The following TOP1MT variants were observed in gnomAD, a reference collection of about 807,000 sequenced individuals.
The protein encoded by TOP1MT is DNA topoisomerase I, mitochondrial.
A neutral mutation model predicts 73.9 loss-of-function variants in TOP1MT; 80 were observed. That is an observed-to-expected ratio of 1.08 (90% CI 0.90 to 1.30). TOP1MT has a LOEUF of 1.30. Among genes scored for constraint, TOP1MT ranks in the 50% most tolerant of loss-of-function variants. The pLI, the probability that TOP1MT is intolerant of heterozygous loss-of-function variation, is 0.00. For missense variants in TOP1MT, 815 were observed against 808.0 expected, an observed-to-expected ratio of 1.01 and a Z score of -0.10; for synonymous variants, 338 against 326.4, an observed-to-expected ratio of 1.04 and a Z score of -0.38.
At chr8:143,331,468 G>A in intron 1 of TOP1MT, 129 bp from the exon 2 acceptor site, 9 of 677,390 alleles carry the variant, frequency 1.3e-5, no homozygotes, top group Non-Finnish European at 2.2e-5. Context: ...TCACGGGGGA[G>A]GAAAACAAGG....
chr8:143,343,440 G>T (rs1488497861), intron 1 of TOP1MT: 2 of 352,606 alleles, frequency 5.7e-6, no homozygotes, highest in African/African-American at 4.3e-5. Flanking sequence ...AAAGCTGCTG[G>T]TGACCCACGT....
intron 1 of TOP1MT, chr8:143,331,940 G>A (rs1203807682): frequency 1.2e-5 from 2 of 162,576 alleles, no homozygotes; most frequent in African/African-American, 4.8e-5. Flanking sequence ...GAAGCCTCAG[G>A]GGTTTTCAGG....
At chr8:143,359,012 TTG>T (rs200068917), upstream of TOP1MT, among the ~76,000 whole-genome samples, 187 of 151,500 alleles carry the variant, frequency 1.2e-3, no homozygotes, top group African/African-American at 4.3e-3. Flanking sequence ...TTTCTGTTTT[TTG>T]GTTTTTTTTT....
intron 13 of TOP1MT, 21 bp downstream of exon 13, chr8:143,310,047 T>C: frequency 6.2e-7 from 1 of 1,609,058 alleles, no homozygotes; most frequent in Non-Finnish European, 8.5e-7. Context: ...AGGTGGGAAC[T>C]GAGACCCCAG....
At chr8:143,332,691 G>T in intron 1 of TOP1MT, 1 of 644,426 alleles carries the variant, frequency 1.6e-6, no homozygotes, top group Non-Finnish European at 2.4e-6. Context: ...GTTAGAAGAC[G>T]TAGAGACGGA....
At chr8:143,332,063 G>T (rs1429920490) in intron 1 of TOP1MT, among the ~76,000 whole-genome samples, 1 of 152,106 alleles carries the variant, frequency 6.6e-6, no homozygotes, top group Non-Finnish European at 1.5e-5. Flanking sequence ...AGATTGGGGG[G>T]GTGTTGGAGG....
At chr8:143,321,548 ACACGCACGC>A (rs1816365037) in intron 7 of TOP1MT, among the ~76,000 whole-genome samples, 162 bp from the exon 8 acceptor site, 1 of 116,892 alleles carries the variant, frequency 8.6e-6, no homozygotes, top group African/African-American at 3.0e-5. Context: ...CGCACGCCAC[ACACGCACGC>A]CACACACACG....
chr8:143,319,513 C>T (rs927014582), intron 8 of TOP1MT, among the ~76,000 whole-genome samples: 1 of 151,020 alleles, frequency 6.6e-6, no homozygotes, highest in East Asian at 2.0e-4. Flanking sequence ...ATCTGTCCAA[C>T]GTCACTGCGA....
In TOP1MT at chr8:143,321,132, G is replaced by A. The variant is rs565823345; in HGVS notation, c.1146+69C>T. 1.9e-3 allele frequency: 2,831 copies of A among 1,466,936 alleles called. 4 individuals are homozygous for A. The highest frequency in any genetic ancestry group is 2.4e-3 in the Non-Finnish European group (2,572 of 1,093,756). The allele number at this position is 1,466,936 out of a possible 1,614,324, so 90.9% of individuals were successfully genotyped here. On this transcript the variant is annotated intron_variant, in intron 8 of 13. Coordinates refer to ENST00000329245, the MANE Select transcript of TOP1MT (RefSeq NM_052963.3). ...GGGCCACAGACCCCACGGCAGCTCC[G>A]GCACGCCCCCAGACATCCAGAGCAA...
upstream of TOP1MT, chr8:143,359,470 C>G (rs953808053): frequency 1.0e-6 from 1 of 980,634 alleles, no homozygotes; most frequent in Non-Finnish European, 1.2e-6. Context: ...TCCTAGGCAG[C>G]CAGACCGGCA....
chr8:143,336,270 G>A (rs1816979923), upstream of TOP1MT, among the ~76,000 whole-genome samples: 2 of 152,186 alleles, frequency 1.3e-5, no homozygotes, highest in Admixed American at 1.3e-4. Flanking sequence ...TGGGATTTCA[G>A]GTGTGAGCCG....
chr8:143,323,866 C>A, intron 7 of TOP1MT, 133 bp downstream of exon 7: 1 of 1,001,860 alleles, frequency 1.0e-6, no homozygotes, highest in Non-Finnish European at 1.5e-6. Context: ...TGTGCACATG[C>A]ACACACCCCC....
chr8:143,321,932 CCA>C (rs1214595755), intron 7 of TOP1MT, among the ~76,000 whole-genome samples: 812 of 45,378 alleles, frequency 0.018, 43 homozygotes, highest in East Asian at 0.075. Flanking sequence ...CACATGCACG[CCA>C]CACACGCACG....
rs1815940079 is a variant in TOP1MT at position 143,309,410 on chromosome 8, C to T, written c.*31G>A. 2 of 1,603,444 alleles carry T rather than the reference C, an allele frequency of 1.2e-6. No individual in the cohort carries two copies. The highest frequency in any genetic ancestry group is 1.7e-6 in the Non-Finnish European group (2 of 1,173,006). ...TTTAATAGTGAAAAAAACACACACA[C>T]ATACAAAAGAAGTTTCAACACGGCT... On this transcript the variant is annotated 3_prime_UTR_variant, in exon 14 of 14. Coordinates refer to ENST00000329245, the MANE Select transcript of TOP1MT (RefSeq NM_052963.3).
chr8:143,323,455 GCCACACACATGCTCA>G (rs1243067609), intron 7 of TOP1MT, among the ~76,000 whole-genome samples: 324 of 65,658 alleles, frequency 4.9e-3, no homozygotes, highest in Non-Finnish European at 7.3e-3. Flanking sequence ...CCACACGCAC[GCCACACACATGCTCA>G]CCACACACGC....
intron 2 of TOP1MT, among the ~76,000 whole-genome samples, chr8:143,342,181 G>T (rs374760095): frequency 4.0e-5 from 2 of 50,014 alleles, no homozygotes; most frequent in Non-Finnish European, 6.6e-5. Context: ...GTTATTATTA[G>T]AGACAGTCTC....
At position 143,321,353 on chromosome 8, in the gene TOP1MT, C is replaced by A. The variant is rs373652451; in HGVS notation, c.994G>T (p.Gly332Cys). Residue 332 changes from glycine (G) to cysteine (C), a missense_variant, in exon 8 of 14, where the codon GGT (glycine) becomes TGT (cysteine). Around this residue, in one of 3 missense-constraint regions of TOP1MT, gnomAD observed 751 missense variants for 725.4 expected, o/e 1.04. Transcript: ENST00000329245. ...ALRAGNEKED[G>C]EAADTVGCCS... ...CAGCCCACGGTGTCGGCCGCCTCAC[C>A]GTCCTCCTTCTCATTTCCTGCTCTC... is the stretch of plus-strand genomic sequence containing the variant. 6.3e-7 allele frequency: 1 copy of A among 1,595,318 alleles called. No individual in the cohort carries two copies.
chr8:143,346,646 G>A (rs1817225977), upstream of TOP1MT, among the ~76,000 whole-genome samples: 1 of 152,124 alleles, frequency 6.6e-6, no homozygotes, highest in South Asian at 2.1e-4. Flanking sequence ...GAAGGGGGAT[G>A]TATTTTAGTC....
At position 143,331,231 on chromosome 8, in the gene TOP1MT, G is replaced by C. The variant is rs1448060514; in HGVS notation, c.231C>G (p.Phe77Leu). 6 of 1,606,448 alleles carry C rather than the reference G, an allele frequency of 3.7e-6. No individual in the cohort carries two copies. Among genetic ancestry groups the C allele is most frequent in the Non-Finnish European group, 5.1e-6 (6 of 1,174,288 alleles). Residue 77 changes from phenylalanine to leucine, a missense_variant, in exon 2 of 14, where the codon TTC becomes TTG. Transcript: ENST00000329245. ...YEPLPDGVRFFYEGRPVRLSV... is the reference protein window; with the variant it reads ...YEPLPDGVRFLYEGRPVRLSV... ...CGCTCCCTGCATCCTTACCTTCATA[G>C]AAGAAACGCACTCCGTCGGGAAGGG...
Sources: allele counts gnomAD v4.1 joint callset (sites outside exome capture counted in the v4.1 genomes callset), GRCh38; gene constraint gnomAD v4.1.1; regional missense constraint gnomAD v4.1.1; transcripts MANE v1.5; gene names NCBI Gene and HGNC (gene_info 2026-07-23, HGNC 2026-07-21).